BIRC6: variants seen among roughly 807,000 people sequenced by gnomAD.
The protein encoded by BIRC6 is dual E2 ubiquitin-conjugating enzyme/E3 ubiquitin-protein ligase BIRC6.
In BIRC6, 98 loss-of-function variants were observed where a neutral mutation model predicts 503.3. That is an observed-to-expected ratio of 0.19 (90% CI 0.17 to 0.23). The LOEUF (loss-of-function observed/expected upper bound fraction) is 0.23, where lower values mean the gene tolerates loss of function less well. Among genes scored for constraint, BIRC6 ranks in the 10% least tolerant of loss-of-function variants. The pLI is 1.00. For synonymous variants in BIRC6, 2,240 were observed against 2,078.7 expected (o/e 1.08, Z -2.11); for missense variants, 5,360 against 5,806.0 (o/e 0.92, Z 2.50).
At chr2:32,492,727 A>G (rs2051903443) in intron 44 of BIRC6, among the ~76,000 whole-genome samples, 1 of 152,072 alleles carries the variant, frequency 6.6e-6, no homozygotes, top group African/African-American at 2.4e-5. Flanking sequence ...GTTACTGAAG[A>G]TCAAGCTTTC....
Position 32,445,517 on chromosome 2 carries a change from C to A in BIRC6, c.4337-4C>A. Reference sequence around the variant, plus strand: ...AACATTTATTTTGTTTTTATTGTTTCCAGGTTCTGTCTATTGGTATTTTGT... The same window carrying A: ...AACATTTATTTTGTTTTTATTGTTTACAGGTTCTGTCTATTGGTATTTTGT... On this transcript the variant is annotated splice_polypyrimidine_tract_variant and splice_region_variant and intron_variant, in intron 20 of 73. Coordinates refer to ENST00000421745, the MANE Select transcript of BIRC6 (RefSeq NM_016252.4). 6.5e-7 allele frequency: 1 copy of A among 1,539,578 alleles called. No individual in the cohort carries two copies. Among genetic ancestry groups the A allele is most frequent in the Non-Finnish European group, 8.8e-7 (1 of 1,141,356 alleles).
At chr2:32,368,116 GA>G (rs916242808) in intron 1 of BIRC6, among the ~76,000 whole-genome samples, 1 of 152,126 alleles carries the variant, frequency 6.6e-6, no homozygotes, top group African/African-American at 2.4e-5. Flanking sequence ...GAAATTTTAA[GA>G]AAATACCTCG....
intron 25 of BIRC6, 47 bp downstream of exon 25, chr2:32,464,870 C>G: frequency 6.5e-7 from 1 of 1,539,502 alleles, no homozygotes; most frequent in East Asian, 2.3e-5. Context: ...TTAAAAATAT[C>G]TTGAAATATA....
intron 63 of BIRC6, among the ~76,000 whole-genome samples, chr2:32,547,007 G>GTATA (rs1224614979): frequency 2.0e-5 from 3 of 152,178 alleles, no homozygotes; most frequent in Non-Finnish European, 4.4e-5. Context: ...CTGTGCTCAT[G>GTATA]TATATCTTCA....
Position 32,401,589 on chromosome 2 carries a change from A to T in BIRC6, c.1384A>T (p.Ser462Cys). 6.2e-7 allele frequency: 1 copy of T among 1,613,942 alleles called. No individual in the cohort carries two copies. Among genetic ancestry groups the T allele is most frequent in the Non-Finnish European group, 8.5e-7 (1 of 1,179,876 alleles). ...PTLAWLEDSS[S>C]CSDIPKLEGD... ...TTTGGCGTGGCTGGAGGACTCCTCT[A>T]GTTGCTCAGATATACCAAAATTGGA... The change falls in exon 8 of 74, where the codon AGT becomes TGT. Residue 462 changes from serine to cysteine, a missense_variant. Physicochemically the swap from Ser to Cys is moderately radical, Grantham distance 112. Coordinates refer to ENST00000421745, the MANE Select transcript of BIRC6 (RefSeq NM_016252.4).
intron 65 of BIRC6, among the ~76,000 whole-genome samples, chr2:32,554,250 C>A (rs185774012): frequency 1.3e-5 from 2 of 152,186 alleles, no homozygotes; most frequent in Non-Finnish European, 2.9e-5. Flanking sequence ...TGAAATAAAT[C>A]TTTACCTTTT....
chr2:32,443,180 G>T (rs1039369053), intron 19 of BIRC6, among the ~76,000 whole-genome samples: 6 of 152,134 alleles, frequency 3.9e-5, no homozygotes, highest in Non-Finnish European at 8.8e-5. Flanking sequence ...TTTAGAAATT[G>T]AAACTGCATA....
chr2:32,577,448 C>T (rs1026686740), intron 66 of BIRC6, among the ~76,000 whole-genome samples: 52 of 151,934 alleles, frequency 3.4e-4, no homozygotes, highest in African/African-American at 1.2e-3. Context: ...TTAGGTTTAG[C>T]CTTGATTAAA....
rs114249116 is a variant in BIRC6 at position 32,483,298 on chromosome 2, C to T, written c.7696+716C>T. On this transcript the variant is annotated intron_variant, in intron 39 of 73. Transcript: ENST00000421745. ...TAAAATACATTTTTTCCCTTTTCAACGCTGCTCCTTCTGTTATAAAATATT... is the reference window on the plus strand; with the variant it reads ...TAAAATACATTTTTTCCCTTTTCAATGCTGCTCCTTCTGTTATAAAATATT... Among the ~76,000 whole-genome samples the T allele has an allele frequency of 8.9e-3, 1,356 of 152,144 alleles. 10 individuals carry two copies. Among genetic ancestry groups the T allele is most frequent in the Middle Eastern group, 0.017 (5 of 294 alleles).
chr2:32,559,972 C>T (rs1256720039), intron 65 of BIRC6, among the ~76,000 whole-genome samples: 9 of 151,882 alleles, frequency 5.9e-5, no homozygotes, highest in Admixed American at 1.3e-4. Flanking sequence ...GCCGAGATCA[C>T]GCCACTGCAC....
intron 38 of BIRC6, among the ~76,000 whole-genome samples, chr2:32,482,000 C>T (rs1174098867): frequency 6.6e-6 from 1 of 152,042 alleles, no homozygotes. Flanking sequence ...AATTATCATA[C>T]AATAATGAGA....
chr2:32,374,169 TA>T (rs1183308431), intron 1 of BIRC6, among the ~76,000 whole-genome samples: 9 of 152,282 alleles, frequency 5.9e-5, no homozygotes, highest in South Asian at 4.1e-4. Flanking sequence ...GATAAAATGG[TA>T]AATTTTATGT....
intron 1 of BIRC6, among the ~76,000 whole-genome samples, chr2:32,362,947 G>A (rs1347898315): frequency 6.6e-6 from 1 of 152,174 alleles, no homozygotes; most frequent in East Asian, 1.9e-4. Context: ...TGAGAATTAA[G>A]TGATTATGCA....
chr2:32,539,310 G>A (rs2057476036), intron 61 of BIRC6, among the ~76,000 whole-genome samples: 1 of 152,206 alleles, frequency 6.6e-6, no homozygotes, highest in Non-Finnish European at 1.5e-5. Flanking sequence ...TGAGGAAGTA[G>A]GAGTTGTTGG....
At position 32,463,280 on chromosome 2, in the gene BIRC6, C is replaced by G; in HGVS notation, c.4840C>G (p.Gln1614Glu). The change falls in exon 24 of 74, where the codon CAG (glutamine) becomes GAG (glutamate). Residue 1614 changes from glutamine (Q) to glutamate (E), a missense_variant. Physicochemically the swap from Gln to Glu is conservative, Grantham distance 29. This residue lies in a region of BIRC6 where 2,299 missense variants were observed against 2,267.2 expected (regional missense o/e 1.01). Coordinates refer to ENST00000421745, the MANE Select transcript of BIRC6 (RefSeq NM_016252.4). ...CTCGACAGCCCTGAGTTCAGCAGCC[C>G]AGGTAGCTTTGCAGTCTCTCTCTCA... is the stretch of plus-strand genomic sequence containing the variant. ...EASTALSSAA[Q>E]VALQSLSHAM... 6.2e-7 allele frequency: 1 copy of G among 1,613,810 alleles called. No homozygotes were observed. Among genetic ancestry groups the G allele is most frequent in the Non-Finnish European group, 8.5e-7 (1 of 1,179,832 alleles).
chr2:32,412,635 T>TCACAAAAA, intron 9 of BIRC6, among the ~76,000 whole-genome samples: 1 of 152,282 alleles, frequency 6.6e-6, no homozygotes, highest in East Asian at 1.9e-4. Flanking sequence ...TGATACAGTT[T>TCACAAAAA]TGGAACTTTT....
chr2:32,570,427 A>C (rs2059837644), intron 65 of BIRC6, among the ~76,000 whole-genome samples: 1 of 151,880 alleles, frequency 6.6e-6, no homozygotes, highest in South Asian at 2.1e-4. Context: ...CAAGCAATTC[A>C]CTCACCTTGG....
At chr2:32,524,386 C>G (rs1052810813) in intron 57 of BIRC6, among the ~76,000 whole-genome samples, 16 of 152,162 alleles carry the variant, frequency 1.1e-4, no homozygotes, top group South Asian at 2.1e-4. Flanking sequence ...TTTATACTTT[C>G]ATTTGTAATA....
At chr2:32,578,818 A>T (rs1385782376) in intron 66 of BIRC6, among the ~76,000 whole-genome samples, 1 of 151,032 alleles carries the variant, frequency 6.6e-6, no homozygotes, top group African/African-American at 2.4e-5. Context: ...ATACATACAT[A>T]CATACATACA....
Sources: gnomAD v4.1 joint callset for allele counts (sites outside exome capture counted in the v4.1 genomes callset) on GRCh38, gnomAD v4.1.1 for gene constraint, gnomAD v4.1.1 regional missense constraint, MANE v1.5 for transcripts, NCBI Gene and HGNC (gene_info 2026-07-23, HGNC 2026-07-21) for gene names.